The following MYO9A variants were observed in gnomAD, a reference collection of about 807,000 sequenced individuals.
MYO9A encodes the protein myosin IXA.
MYO9A carries 103 observed loss-of-function variants against 293.3 expected under a neutral mutation model. That is an observed-to-expected ratio of 0.35 (90% confidence interval 0.30 to 0.41). The LOEUF is 0.41. MYO9A is among the 10% of genes least tolerant of loss of function. The pLI, the probability that MYO9A is intolerant of heterozygous loss-of-function variation, is 1.00. For missense variants in MYO9A, 2,685 were observed against 3,033.0 expected, an observed-to-expected ratio of 0.89 and a Z score of 2.69; for synonymous variants, 1,001 against 1,035.7, an observed-to-expected ratio of 0.97 and a Z score of 0.64.
At chr15:71,989,479 C>T (rs936911585) in intron 11 of MYO9A, among the ~76,000 whole-genome samples, 2 of 152,072 alleles carry the variant, frequency 1.3e-5, no homozygotes, top group Non-Finnish European at 2.9e-5. Flanking sequence ...TACAGTCAGC[C>T]CTCTGTATAT....
chr15:72,100,524 T>C lies in MYO9A; in HGVS notation c.-72+17156A>G, dbSNP rs952905699. ...CCATCTAGGAGGTGAGGAGCGCCTCTTTCCGGCCGCCATCACATCTAGGAA... is the reference window on the plus strand; with the variant it reads ...CCATCTAGGAGGTGAGGAGCGCCTCCTTCCGGCCGCCATCACATCTAGGAA... On this transcript the variant is annotated intron_variant, in intron 1 of 41. Coordinates refer to ENST00000356056, the MANE Select transcript of MYO9A (RefSeq NM_006901.4). Among the ~76,000 whole-genome samples the C allele has an allele frequency of 2.3e-4, 34 of 146,364 alleles. 2 individuals carry two copies. Among genetic ancestry groups the C allele is most frequent in the Non-Finnish European group, 3.0e-5 (2 of 66,696 alleles).
chr15:71,939,775 AT>A (rs1277259296), intron 15 of MYO9A, among the ~76,000 whole-genome samples: 1 of 152,246 alleles, frequency 6.6e-6, no homozygotes, highest in Non-Finnish European at 1.5e-5. Context: ...ATCAATTTTT[AT>A]AACACACAAA....
intron 6 of MYO9A, among the ~76,000 whole-genome samples, chr15:72,014,061 C>G (rs1216693019): frequency 1.3e-5 from 2 of 152,146 alleles, no homozygotes; most frequent in Admixed American, 1.3e-4. Flanking sequence ...CCTAGCTCAG[C>G]CTTGCAAAGT....
At chr15:72,066,812 G>A (rs995462611) in intron 1 of MYO9A, among the ~76,000 whole-genome samples, 6 of 151,854 alleles carry the variant, frequency 4.0e-5, no homozygotes, top group Non-Finnish European at 8.8e-5. Context: ...GGCAGAGGTT[G>A]CAGTGAGCTG....
chr15:71,876,301 C>A (rs1024548837), intron 31 of MYO9A, among the ~76,000 whole-genome samples: 1 of 151,782 alleles, frequency 6.6e-6, no homozygotes, highest in African/African-American at 2.4e-5. Flanking sequence ...GCACACACCA[C>A]CACATCTGGC....
At chr15:72,019,338 T>C (rs1045831743) in intron 5 of MYO9A, among the ~76,000 whole-genome samples, 6 of 152,238 alleles carry the variant, frequency 3.9e-5, no homozygotes, top group African/African-American at 1.4e-4. Flanking sequence ...TCCCATATCC[T>C]ATGAATATTG....
chr15:71,827,764 G>T, intron 41 of MYO9A, 120 bp downstream of exon 41: 2 of 1,156,400 alleles, frequency 1.7e-6, no homozygotes, highest in Non-Finnish European at 2.4e-6. Flanking sequence ...AATTCCTCAA[G>T]ACTTTGTTAT....
At chr15:72,035,357 C>G (rs2078011178) in intron 2 of MYO9A, among the ~76,000 whole-genome samples, 1 of 144,904 alleles carries the variant, frequency 6.9e-6, no homozygotes, top group Admixed American at 7.2e-5. Context: ...ACAGTCAAAG[C>G]TTGAAAATAA....
At chr15:71,967,710 T>C (rs117455889) in intron 13 of MYO9A, among the ~76,000 whole-genome samples, 4,132 of 152,290 alleles carry the variant, frequency 0.027, 74 homozygotes, top group Admixed American at 0.038. Context: ...GAGTTTGGGA[T>C]ATACAGATGC....
chr15:71,875,745 G>T, intron 32 of MYO9A, 46 bp downstream of exon 32: 2 of 1,063,914 alleles, frequency 1.9e-6, no homozygotes, highest in South Asian at 2.9e-5. Context: ...TCAGACAACT[G>T]ATCTGAAAAT....
intron 27 of MYO9A, among the ~76,000 whole-genome samples, chr15:71,883,972 T>C (rs1172569275): frequency 6.6e-6 from 1 of 151,966 alleles, no homozygotes; most frequent in Non-Finnish European, 1.5e-5. Context: ...AGGAAACATC[T>C]TGAATACAGA....
At chr15:71,980,304 C>G (rs2076241482) in intron 11 of MYO9A, among the ~76,000 whole-genome samples, 1 of 152,138 alleles carries the variant, frequency 6.6e-6, no homozygotes, top group South Asian at 2.1e-4. Context: ...TAATGCCAAA[C>G]AGCATTCTGA....
chr15:71,830,012 C>T (rs2054653071), intron 40 of MYO9A, 97 bp downstream of exon 40: 2 of 1,227,690 alleles, frequency 1.6e-6, no homozygotes, highest in African/African-American at 1.5e-5. Flanking sequence ...GTGTTTAACA[C>T]ACAGGAGATA....
intron 22 of MYO9A, among the ~76,000 whole-genome samples, chr15:71,902,260 A>G (rs973223231): frequency 2.0e-5 from 3 of 152,062 alleles, no homozygotes; most frequent in Non-Finnish European, 4.4e-5. Flanking sequence ...GGTTCTCAAA[A>G]AAGAGAAAGA....
intron 1 of MYO9A, among the ~76,000 whole-genome samples, chr15:72,051,256 A>G (rs1426404395): frequency 6.6e-6 from 1 of 152,174 alleles, no homozygotes; most frequent in Non-Finnish European, 1.5e-5. Flanking sequence ...GGCCACTGCC[A>G]TGATACCAGC....
At chr15:72,090,042 T>C (rs1036153247) in intron 1 of MYO9A, among the ~76,000 whole-genome samples, 3 of 152,232 alleles carry the variant, frequency 2.0e-5, no homozygotes, top group Non-Finnish European at 4.4e-5. Flanking sequence ...ATTACTTTTA[T>C]GTAAAATAAA....
chr15:72,118,249 G>C (rs2151301952), upstream of MYO9A: 4 of 329,692 alleles, frequency 1.2e-5, no homozygotes, highest in East Asian at 1.9e-4. Context: ...CGCTTGCGCA[G>C]ACACGCCCCC....
At chr15:71,877,171 A>T (rs1413491289) in intron 31 of MYO9A, among the ~76,000 whole-genome samples, 1 of 152,218 alleles carries the variant, frequency 6.6e-6, no homozygotes, top group African/African-American at 2.4e-5. Context: ...CACATTGATA[A>T]CTTTGTCTAA....
chr15:71,843,305 T>C (rs2055244560), intron 39 of MYO9A, among the ~76,000 whole-genome samples: 1 of 152,092 alleles, frequency 6.6e-6, no homozygotes, highest in Non-Finnish European at 1.5e-5. Context: ...GGCAGGCACC[T>C]ATAATCTCAG....
Sources: allele counts gnomAD v4.1 joint callset (sites outside exome capture counted in the v4.1 genomes callset), GRCh38; gene constraint gnomAD v4.1.1; transcripts MANE v1.5; gene names NCBI Gene and HGNC (gene_info 2026-07-23, HGNC 2026-07-21).